The following SLC24A2 variants were observed in gnomAD, a reference collection of about 807,000 sequenced individuals.
SLC24A2 encodes solute carrier family 24 member 2, also known as sodium/potassium/calcium exchanger 2.
Under a neutral mutation model 62.0 loss-of-function variants are expected in SLC24A2, and 36 were observed. The ratio of observed to expected loss-of-function variants is 0.58; its 90% CI spans 0.44 to 0.77. The LOEUF is 0.77. Ranked by LOEUF, SLC24A2 falls within the 30% of genes least tolerant of loss-of-function variation. The pLI is 0.00. For synonymous variants in SLC24A2, 358 were observed against 294.0 expected (o/e 1.22, Z -2.23); for missense variants, 846 against 817.9 (o/e 1.03, Z -0.42).
At chr9:19,696,635 TAA>T (rs1820199663) in intron 2 of SLC24A2, among the ~76,000 whole-genome samples, 1 of 152,222 alleles carries the variant, frequency 6.6e-6, no homozygotes, top group South Asian at 2.1e-4. Context: ...TAAGTTACAT[TAA>T]ATAAAACCTA....
the SLC24A2 span, among the ~76,000 whole-genome samples, chr9:20,215,511 C>G: frequency 6.6e-6 from 1 of 152,162 alleles, no homozygotes; most frequent in South Asian, 2.1e-4. Flanking sequence ...AACAAATACC[C>G]TGAACAAATG....
intron 10 of SLC24A2, among the ~76,000 whole-genome samples, chr9:19,520,020 G>A (rs1212034679): frequency 6.6e-6 from 1 of 152,140 alleles, no homozygotes; most frequent in South Asian, 2.1e-4. Context: ...TTATTGTGTG[G>A]CTTAAATGGA....
In SLC24A2 at chr9:19,515,743, T is replaced by C. The variant is rs1832895795; in HGVS notation, c.*410A>G. On this transcript the variant is annotated 3_prime_UTR_variant, in exon 11 of 11. Coordinates refer to ENST00000341998, the MANE Select transcript of SLC24A2 (RefSeq NM_020344.4). The stretch of plus-strand genomic sequence containing the variant: ...TTTGTCTTTATTTACAGGTATGTAC[T>C]AATCTATAGGTATGCAAGGAGAGGT... 1 of 212,104 alleles carries C rather than the reference T, an allele frequency of 4.7e-6. No individual in the cohort carries two copies. Among genetic ancestry groups the C allele is most frequent in the Non-Finnish European group, 9.7e-6 (1 of 102,824 alleles). The allele number at this position is 212,104 out of a possible 1,614,324, so 13.1% of individuals were successfully genotyped here. A position where few individuals can be genotyped will look rare whatever the true frequency, so the allele number is the denominator to read the frequency against.
Position 19,786,873 on chromosome 9 carries a change from T to A in SLC24A2, c.-7A>T. The A allele has an allele frequency of 6.2e-7, 1 of 1,606,936 alleles. No individual in the cohort carries two copies. The highest frequency in any genetic ancestry group is 8.5e-7 in the Non-Finnish European group (1 of 1,179,900). ...TGCTTTGTTGCAGATCCATCCTGGG[T>A]CTTCTGGTGGATATGGTGATCTTCC... is the stretch of plus-strand genomic sequence containing the variant. On this transcript the variant is annotated 5_prime_UTR_variant, in exon 2 of 11. Transcript: ENST00000341998. This position sits in a 1 kb window ranked among gnomAD's most constrained non-coding sequence, Gnocchi z 5.0.
intron 2 of SLC24A2, among the ~76,000 whole-genome samples, chr9:19,754,002 C>T (rs898740321): frequency 3.3e-5 from 5 of 152,114 alleles, no homozygotes; most frequent in African/African-American, 1.2e-4. Context: ...TGACTGATTA[C>T]ATATTTGAAC....
At chr9:20,214,544 G>A in the SLC24A2 span, among the ~76,000 whole-genome samples, 67 of 152,100 alleles carry the variant, frequency 4.4e-4, 1 homozygote, top group African/African-American at 1.5e-3. Flanking sequence ...GGACCCAGGA[G>A]GCACAGCTTG....
intron 7 of SLC24A2, among the ~76,000 whole-genome samples, chr9:19,572,286 A>T (rs1482246272): frequency 5.2e-5 from 7 of 133,830 alleles, no homozygotes; most frequent in Non-Finnish European, 1.6e-5. Flanking sequence ...AAAAAAATGG[A>T]GCTACTAATG....
the SLC24A2 span, among the ~76,000 whole-genome samples, chr9:19,824,985 A>T: frequency 6.6e-6 from 1 of 152,136 alleles, no homozygotes; most frequent in Non-Finnish European, 1.5e-5. Flanking sequence ...ACACATGGAC[A>T]CAGGGAGGGG....
At chr9:20,170,595 G>A in the SLC24A2 span, among the ~76,000 whole-genome samples, 2 of 151,986 alleles carry the variant, frequency 1.3e-5, no homozygotes, top group Non-Finnish European at 2.9e-5. Flanking sequence ...TTATTGATTA[G>A]AGCTGATGGG....
intron 2 of SLC24A2, among the ~76,000 whole-genome samples, chr9:19,775,722 T>C (rs1822827011): frequency 6.6e-6 from 1 of 152,150 alleles, no homozygotes; most frequent in African/African-American, 2.4e-5. Context: ...AAAAGACACC[T>C]TTGCGGAATT....
chr9:19,771,697 T>G (rs978806830), intron 2 of SLC24A2, among the ~76,000 whole-genome samples: 2 of 152,202 alleles, frequency 1.3e-5, no homozygotes, highest in Non-Finnish European at 2.9e-5. Context: ...TGTGCATTTT[T>G]GTATAAAGCA....
intron 2 of SLC24A2, among the ~76,000 whole-genome samples, chr9:19,768,572 T>C (rs937853029): frequency 3.3e-5 from 5 of 152,154 alleles, no homozygotes; most frequent in African/African-American, 9.7e-5. Context: ...GACTAATGGG[T>C]GGGTAGCATC....
chr9:20,106,055 G>C, the SLC24A2 span, among the ~76,000 whole-genome samples: 1 of 152,188 alleles, frequency 6.6e-6, no homozygotes, highest in Non-Finnish European at 1.5e-5. Context: ...TACCATCAGA[G>C]AATACTACAA....
the SLC24A2 span, among the ~76,000 whole-genome samples, chr9:20,032,279 A>T: frequency 6.6e-6 from 1 of 152,220 alleles, no homozygotes; most frequent in East Asian, 1.9e-4. Context: ...ACGTCTTTTC[A>T]CTGTTTAATT....
intron 2 of SLC24A2, among the ~76,000 whole-genome samples, chr9:19,782,111 T>C (rs1823035332): frequency 6.6e-6 from 1 of 152,204 alleles, no homozygotes; most frequent in Admixed American, 6.5e-5. Flanking sequence ...CCAGGCCAAC[T>C]TGCTGTCAGA....
At position 19,636,394 on chromosome 9, in the gene SLC24A2, T is replaced by TCCCTCC. The variant is rs1564010086; in HGVS notation, c.931-14096_931-14095insGGAGGG. On this transcript the variant is annotated intron_variant, in intron 2 of 10. Coordinates refer to ENST00000341998, the MANE Select transcript of SLC24A2 (RefSeq NM_020344.4). ...TTCTTTCTTTCTTTCTTTCTCCCTC[T>TCCCTCC]CTCTCTCTCTCTCTTTCTTTCTTTC... 3.9e-4 allele frequency among the ~76,000 whole-genome samples: 38 copies of TCCCTCC among 96,458 alleles called. 1 individual carries two copies. Among genetic ancestry groups the TCCCTCC allele is most frequent in the African/African-American group, 1.4e-3 (28 of 19,504 alleles). The allele number at this position is 96,458 out of a possible 152,430, so 63.3% of individuals were successfully genotyped here. A position where few individuals can be genotyped will look rare whatever the true frequency, so the allele number is the denominator to read the frequency against.
chr9:19,984,537 C>G, the SLC24A2 span, among the ~76,000 whole-genome samples: 1 of 152,100 alleles, frequency 6.6e-6, no homozygotes, highest in Non-Finnish European at 1.5e-5. Flanking sequence ...GAAACCCCAG[C>G]TCTACTAAAA....
chr9:19,638,667 G>A (rs1818417872), intron 2 of SLC24A2, among the ~76,000 whole-genome samples: 1 of 152,146 alleles, frequency 6.6e-6, no homozygotes, highest in African/African-American at 2.4e-5. Flanking sequence ...CTCTACCAAT[G>A]ACTAGTTCTG....
At chr9:19,734,345 C>T (rs1302054281) in intron 2 of SLC24A2, among the ~76,000 whole-genome samples, 2 of 152,184 alleles carry the variant, frequency 1.3e-5, no homozygotes, top group Non-Finnish European at 2.9e-5. Flanking sequence ...GTTCTTTTGG[C>T]TTCGGATTGA....
Sources: gnomAD v4.1 joint callset for allele counts (sites outside exome capture counted in the v4.1 genomes callset) on GRCh38, gnomAD v4.1.1 for gene constraint, Gnocchi (gnomAD v3.1) non-coding constraint, MANE v1.5 for transcripts, NCBI Gene and HGNC (gene_info 2026-07-23, HGNC 2026-07-21) for gene names.